The following ZNF385D variants were observed in gnomAD, a reference collection of about 807,000 sequenced individuals.
ZNF385D encodes the protein zinc finger protein 659.
In ZNF385D, 15 loss-of-function variants were observed where a neutral mutation model predicts 35.8. The ratio of observed to expected loss-of-function variants is 0.42; its 90% CI spans 0.28 to 0.64. The LOEUF is 0.64. Ranked by LOEUF, ZNF385D falls within the 30% of genes least tolerant of loss-of-function variation. The pLI, the probability that ZNF385D is intolerant of heterozygous loss-of-function variation, is 0.23. For missense variants in ZNF385D, 474 were observed against 494.6 expected (o/e 0.96, Z 0.39); for synonymous variants, 212 against 186.8 (o/e 1.13, Z -1.10).
At chr3:21,926,830 C>A (rs1031454909) in intron 3 of ZNF385D, among the ~76,000 whole-genome samples, 2 of 152,128 alleles carry the variant, frequency 1.3e-5, no homozygotes, top group African/African-American at 4.8e-5. Context: ...AACTTCTGCA[C>A]AGCAAAAGAA....
chr3:21,909,120 C>G (rs1303993009), intron 3 of ZNF385D, among the ~76,000 whole-genome samples: 1 of 152,002 alleles, frequency 6.6e-6, no homozygotes, highest in Non-Finnish European at 1.5e-5. Flanking sequence ...CACAGATGTT[C>G]AATTTCTTTA....
intron 2 of ZNF385D, among the ~76,000 whole-genome samples, chr3:21,635,108 G>A (rs115942843): frequency 2.0e-5 from 3 of 151,948 alleles, no homozygotes; most frequent in African/African-American, 7.3e-5. Context: ...CAGAAAGAGA[G>A]ATTTCTTTTA....
At chr3:21,512,548 A>G (rs1707292744) in intron 3 of ZNF385D, among the ~76,000 whole-genome samples, 1 of 152,226 alleles carries the variant, frequency 6.6e-6, no homozygotes, top group Admixed American at 6.5e-5. Context: ...TCAAAGGACT[A>G]GGTACCCTTA....
chr3:21,969,024 A>C (rs1703080157), intron 3 of ZNF385D, among the ~76,000 whole-genome samples: 1 of 152,126 alleles, frequency 6.6e-6, no homozygotes, highest in Admixed American at 6.5e-5. Flanking sequence ...AGCTTTTACC[A>C]ACAGCTGACT....
chr3:22,246,416 G>A (rs763168991), intron 2 of ZNF385D, among the ~76,000 whole-genome samples: 3 of 152,072 alleles, frequency 2.0e-5, no homozygotes, highest in Non-Finnish European at 4.4e-5. Context: ...TATGAATTGA[G>A]TGACTATTTG....
Position 22,127,058 on chromosome 3 carries a change from T to C in ZNF385D, c.325+41759A>G, listed in dbSNP as rs375872088. Reference sequence around the variant, plus strand: ...TTTCCATCTCATTATTTTCAGTCTATTGTGTGTCTTTACAGGTGAAATGTG... The same window carrying C: ...TTTCCATCTCATTATTTTCAGTCTACTGTGTGTCTTTACAGGTGAAATGTG... On this transcript the variant is annotated intron_variant, in intron 3 of 5. Coordinates refer to the ZNF385D transcript ENST00000494108. 6.6e-5 allele frequency among the ~76,000 whole-genome samples: 10 copies of C among 152,198 alleles called. 1 individual carries two copies. Among genetic ancestry groups the C allele is most frequent in the East Asian group, 3.9e-4 (2 of 5,184 alleles).
intron 3 of ZNF385D, among the ~76,000 whole-genome samples, chr3:21,930,623 G>A (rs1307205330): frequency 6.6e-6 from 1 of 151,994 alleles, no homozygotes; most frequent in Non-Finnish European, 1.5e-5. Context: ...TATGACAATG[G>A]CATAAGGAAA....
intron 3 of ZNF385D, among the ~76,000 whole-genome samples, chr3:21,531,554 C>T (rs1380128938): frequency 6.6e-6 from 1 of 152,110 alleles, no homozygotes; most frequent in Non-Finnish European, 1.5e-5. Flanking sequence ...TTACATCCAG[C>T]TAATGTAACA....
At chr3:21,589,118 G>T (rs73137030) in intron 2 of ZNF385D, among the ~76,000 whole-genome samples, 4,409 of 152,226 alleles carry the variant, frequency 0.029, 146 homozygotes, top group African/African-American at 0.075. Flanking sequence ...AATAAGGGAT[G>T]TGGTATTGCA....
chr3:21,506,856 G>A (rs1247136281), intron 4 of ZNF385D, among the ~76,000 whole-genome samples: 1 of 152,122 alleles, frequency 6.6e-6, no homozygotes, highest in East Asian at 1.9e-4. Flanking sequence ...GTTAGGAAGT[G>A]TGTTTTTGCC....
intron 3 of ZNF385D, among the ~76,000 whole-genome samples, chr3:22,020,822 C>A (rs933530192): frequency 6.6e-6 from 1 of 151,924 alleles, no homozygotes; most frequent in Admixed American, 6.6e-5. Context: ...GATACATGCA[C>A]TCATATGTTT....
chr3:21,865,384 A>G (rs73052634), intron 3 of ZNF385D, among the ~76,000 whole-genome samples: 14,636 of 150,232 alleles, frequency 0.097, 820 homozygotes, highest in East Asian at 0.15. Flanking sequence ...GAAAGATAAA[A>G]TCCTTGTTCA....
intron 3 of ZNF385D, among the ~76,000 whole-genome samples, chr3:21,768,594 C>A (rs375436006): frequency 1.5e-4 from 23 of 152,086 alleles, no homozygotes; most frequent in Middle Eastern, 3.4e-3. Context: ...CAGCTGTGCA[C>A]CTGCTCCTGA....
intron 3 of ZNF385D, among the ~76,000 whole-genome samples, chr3:21,990,199 A>C (rs1038276640): frequency 1.3e-5 from 2 of 152,226 alleles, no homozygotes; most frequent in African/African-American, 4.8e-5. Flanking sequence ...CTCTAAGCTA[A>C]AATTCCAGAT....
At chr3:22,016,329 A>G (rs1458365429) in intron 3 of ZNF385D, among the ~76,000 whole-genome samples, 3 of 152,214 alleles carry the variant, frequency 2.0e-5, no homozygotes, top group East Asian at 3.9e-4. Flanking sequence ...AGATTTACCT[A>G]GCTCACAATG....
chr3:22,209,809 A>T (rs1247183055), intron 2 of ZNF385D, among the ~76,000 whole-genome samples: 1 of 151,782 alleles, frequency 6.6e-6, no homozygotes, highest in East Asian at 1.9e-4. Context: ...ACATATACAC[A>T]AAAGTCAACT....
intron 1 of ZNF385D, among the ~76,000 whole-genome samples, chr3:21,718,509 C>A (rs528173076): frequency 1.3e-5 from 2 of 152,350 alleles, no homozygotes; most frequent in East Asian, 3.9e-4. Flanking sequence ...TTGCTAAGAA[C>A]TTTACACATA....
chr3:22,255,667 A>C (rs1329378085), intron 2 of ZNF385D, among the ~76,000 whole-genome samples: 1 of 151,906 alleles, frequency 6.6e-6, no homozygotes, highest in East Asian at 1.9e-4. Context: ...CATTTCAAAA[A>C]AAAAATGCTA....
chr3:21,514,313 G>A (rs543998300), intron 3 of ZNF385D, among the ~76,000 whole-genome samples: 6 of 152,140 alleles, frequency 3.9e-5, no homozygotes, highest in East Asian at 3.9e-4. Context: ...TCATTCTACC[G>A]TATTTCAGAA....
Sources: gnomAD v4.1 joint callset for allele counts (sites outside exome capture counted in the v4.1 genomes callset) on GRCh38, gnomAD v4.1.1 for gene constraint, MANE v1.5 for transcripts, NCBI Gene and HGNC (gene_info 2026-07-23, HGNC 2026-07-21) for gene names.